Variants in CPNE5 observed in about 807,000 individuals in gnomAD.
The protein encoded by CPNE5 is copine 5, also known as copine-5.
In CPNE5, 42 loss-of-function variants were observed where a neutral mutation model predicts 81.1. The ratio of observed to expected loss-of-function variants is 0.52; its 90% confidence interval spans 0.40 to 0.67. The LOEUF is 0.67. Ranked by LOEUF, CPNE5 falls within the 30% of genes least tolerant of loss-of-function variation. CPNE5 has a pLI of 0.00. For synonymous variants in CPNE5, 313 were observed against 321.5 expected, an observed-to-expected ratio of 0.97 and a Z score of 0.28; for missense variants, 612 against 815.5, an observed-to-expected ratio of 0.75 and a Z score of 3.04.
At chr6:36,825,641 G>C (rs183155754) in intron 1 of CPNE5, among the ~76,000 whole-genome samples, 1 of 152,196 alleles carries the variant, frequency 6.6e-6, no homozygotes, top group African/African-American at 2.4e-5. Context: ...TGAGAAGTAG[G>C]CAGCAGGGGC....
chr6:36,810,073 G>A (rs1245659913), intron 3 of CPNE5, among the ~76,000 whole-genome samples: 1 of 151,938 alleles, frequency 6.6e-6, no homozygotes, highest in African/African-American at 2.4e-5. Context: ...GGAAGGGCCG[G>A]GACTCTCAGG....
chr6:36,761,232 C>T (rs937349043), intron 12 of CPNE5, among the ~76,000 whole-genome samples: 1 of 152,212 alleles, frequency 6.6e-6, no homozygotes, highest in Non-Finnish European at 1.5e-5. Flanking sequence ...GGAGCGGGGA[C>T]AAAGACAGCT....
chr6:36,824,319 C>T (rs1409273371), intron 1 of CPNE5, among the ~76,000 whole-genome samples: 1 of 152,180 alleles, frequency 6.6e-6, no homozygotes, highest in Admixed American at 6.5e-5. Flanking sequence ...CTCCGAAGTG[C>T]CAGAGGGACT....
intron 8 of CPNE5, among the ~76,000 whole-genome samples, chr6:36,779,596 G>C (rs1767842123): frequency 6.6e-6 from 1 of 152,234 alleles, no homozygotes; most frequent in Non-Finnish European, 1.5e-5. Flanking sequence ...AGTGGGGTCT[G>C]TGGCCCATTT....
intron 1 of CPNE5, among the ~76,000 whole-genome samples, chr6:36,834,000 T>C (rs2150624104): frequency 6.6e-6 from 1 of 152,086 alleles, no homozygotes; most frequent in Non-Finnish European, 1.5e-5. Flanking sequence ...GCTGGAGGAC[T>C]GCTTCAGACT....
Position 36,818,029 on chromosome 6 carries a change from A to T in CPNE5, c.183+4085T>A, listed in dbSNP as rs146261584. Among the ~76,000 whole-genome samples, 290 of 152,108 alleles carry T rather than the reference A, an allele frequency of 1.9e-3. 1 individual carries two copies. The highest frequency in any genetic ancestry group is 6.7e-3 in the African/African-American group (276 of 41,480). Reference sequence around the variant, plus strand: ...CCCCTGGGTTATGTCTTCGCACGTCACTGAAACCTGAAACCCAGCTCAACT... The same window carrying T: ...CCCCTGGGTTATGTCTTCGCACGTCTCTGAAACCTGAAACCCAGCTCAACT... On this transcript the variant is annotated intron_variant, in intron 3 of 20. Transcript: ENST00000244751.
intron 1 of CPNE5, among the ~76,000 whole-genome samples, chr6:36,823,772 T>C (rs1772265930): frequency 6.6e-6 from 1 of 152,176 alleles, no homozygotes; most frequent in South Asian, 2.1e-4. Flanking sequence ...AAGGCTCCCA[T>C]TTACTGAGCC....
chr6:36,808,799 A>G (rs1770835312), intron 3 of CPNE5, among the ~76,000 whole-genome samples: 1 of 152,224 alleles, frequency 6.6e-6, no homozygotes, highest in Non-Finnish European at 1.5e-5. Context: ...CTTCATAACA[A>G]CCTTCCGAAG....
chr6:36,759,314 G>A (rs745785754), intron 12 of CPNE5, among the ~76,000 whole-genome samples: 5 of 151,896 alleles, frequency 3.3e-5, no homozygotes, highest in Non-Finnish European at 7.4e-5. Context: ...CTCCAGCCCC[G>A]CCACGGTGAA....
intron 8 of CPNE5, among the ~76,000 whole-genome samples, chr6:36,782,683 A>G (rs2150478973): frequency 6.6e-6 from 1 of 152,082 alleles, no homozygotes; most frequent in East Asian, 1.9e-4. Context: ...AATCCCAGCT[A>G]CTTGGGAAGC....
At chr6:36,789,329 G>A (rs1053299403) in intron 8 of CPNE5, among the ~76,000 whole-genome samples, 20 of 152,190 alleles carry the variant, frequency 1.3e-4, no homozygotes, top group African/African-American at 4.8e-4. Flanking sequence ...TTTAACACCT[G>A]ATAGGTATTC....
At chr6:36,837,118 G>A (rs546858987) in intron 1 of CPNE5, among the ~76,000 whole-genome samples, 16 of 152,356 alleles carry the variant, frequency 1.1e-4, no homozygotes, top group East Asian at 1.9e-4. Flanking sequence ...ACCGCCTTCC[G>A]GTGATCATTG....
chr6:36,772,338 C>T (rs1444033790), intron 10 of CPNE5, among the ~76,000 whole-genome samples: 1 of 152,104 alleles, frequency 6.6e-6, no homozygotes, highest in Non-Finnish European at 1.5e-5. Flanking sequence ...ACTCACTGCT[C>T]CAACCAGCCC....
chr6:36,800,751 G>C (rs1475173377), intron 3 of CPNE5, among the ~76,000 whole-genome samples: 1 of 152,156 alleles, frequency 6.6e-6, no homozygotes, highest in African/African-American at 2.4e-5. Flanking sequence ...ACTTCCGTCT[G>C]GGCACCCTCT....
chr6:36,777,801 C>T (rs1226711375), intron 9 of CPNE5, among the ~76,000 whole-genome samples: 1 of 100,990 alleles, frequency 9.9e-6, no homozygotes, highest in African/African-American at 3.6e-5. Flanking sequence ...CACACACACA[C>T]AATTTCAAGG....
At chr6:36,834,718 G>T (rs988538426) in intron 1 of CPNE5, among the ~76,000 whole-genome samples, 1 of 151,890 alleles carries the variant, frequency 6.6e-6, no homozygotes, top group Non-Finnish European at 1.5e-5. Context: ...GATGTAAAGT[G>T]CCTAGCATGC....
chr6:36,793,190 C>T (rs1452710920), intron 7 of CPNE5, among the ~76,000 whole-genome samples: 1 of 152,156 alleles, frequency 6.6e-6, no homozygotes, highest in African/African-American at 2.4e-5. Context: ...GAGCTCTTCC[C>T]AGCACCAGCT....
At position 36,756,227 on chromosome 6, in the gene CPNE5, A is replaced by G; in HGVS notation, c.909+18T>C. On this transcript the variant is annotated intron_variant, in intron 13 of 20. Coordinates refer to ENST00000244751, the MANE Select transcript of CPNE5 (RefSeq NM_020939.2). ...AGAATGTCTACACCCGGCTGCAGAG[A>G]CCGGGGTGGCTACTCACTGTGCCAG... The G allele has an allele frequency of 6.2e-7, 1 of 1,611,060 alleles. No homozygotes were observed. Among genetic ancestry groups the G allele is most frequent in the Non-Finnish European group, 8.5e-7 (1 of 1,177,726 alleles).
Position 36,807,098 on chromosome 6 carries a change from G to A in CPNE5, c.184-7028C>T, listed in dbSNP as rs147578965. Among the ~76,000 whole-genome samples, 146 of 152,352 alleles carry A rather than the reference G, an allele frequency of 9.6e-4. 1 individual carries two copies. The highest frequency in any genetic ancestry group is 3.4e-3 in the African/African-American group (142 of 41,584). Reference sequence around the variant, plus strand: ...TGCAAATGTCTGTCTACACATGCCTGCATTTTCTGGGGAGAACAGCCAAGG... The same window carrying A: ...TGCAAATGTCTGTCTACACATGCCTACATTTTCTGGGGAGAACAGCCAAGG... On this transcript the variant is annotated intron_variant, in intron 3 of 20. Transcript: ENST00000244751.
Sources: allele counts gnomAD v4.1 joint callset (sites outside exome capture counted in the v4.1 genomes callset), GRCh38; gene constraint gnomAD v4.1.1; transcripts MANE v1.5; gene names NCBI Gene and HGNC (gene_info 2026-07-23, HGNC 2026-07-21).